The following ZFHX3 variants were observed in gnomAD, a reference collection of about 807,000 sequenced individuals.
The protein encoded by ZFHX3 is zinc finger homeobox 3.
Under a neutral mutation model 279.1 loss-of-function variants are expected in ZFHX3, and 42 were observed. The ratio of observed to expected loss-of-function variants is 0.15; its 90% CI spans 0.12 to 0.19. The LOEUF is 0.19. Ranked by LOEUF, ZFHX3 falls within the 10% of genes least tolerant of loss-of-function variation. The pLI is 1.00. For missense variants in ZFHX3, 4,981 were observed against 4,754.0 expected, an observed-to-expected ratio of 1.05 and a Z score of -1.40; for synonymous variants, 2,293 against 1,957.8, an observed-to-expected ratio of 1.17 and a Z score of -4.52.
intron 7 of ZFHX3, among the ~76,000 whole-genome samples, chr16:72,808,671 T>C (rs1244779360): frequency 6.6e-6 from 1 of 152,158 alleles, no homozygotes; most frequent in East Asian, 1.9e-4. Context: ...TGTGGAAAGA[T>C]GAGGAACATA....
chr16:73,288,972 A>T (rs1292015926), intron 4 of ZFHX3, among the ~76,000 whole-genome samples: 2 of 146,746 alleles, frequency 1.4e-5, no homozygotes, highest in Non-Finnish European at 1.5e-5. Flanking sequence ...TACCTTTTTT[A>T]TGATCTAGGA....
chr16:73,096,032 T>C (rs1966157940), intron 7 of ZFHX3, among the ~76,000 whole-genome samples: 1 of 152,082 alleles, frequency 6.6e-6, no homozygotes, highest in African/African-American at 2.4e-5. Context: ...GACGATGTGA[T>C]TGAGCCAAGG....
rs538883451 is a variant in ZFHX3 at position 73,025,236 on chromosome 16, G to A, written c.-50+22516C>T. ...TTCCCCTCCCCACAACGACCGCCCT[G>A]CACCGCCCTGCCCCAAGTCCTTCCC... is the stretch of plus-strand genomic sequence containing the variant. On this transcript the variant is annotated intron_variant, in intron 1 of 9. Transcript: ENST00000268489. Among the ~76,000 whole-genome samples the A allele has an allele frequency of 2.0e-5, 3 of 152,264 alleles. No individual in the cohort carries two copies. The East Asian group carries it at 5.8e-4, about 29-fold the overall frequency.
At chr16:73,755,063 G>C (rs1344262860) in intron 1 of ZFHX3, among the ~76,000 whole-genome samples, 2 of 152,158 alleles carry the variant, frequency 1.3e-5, no homozygotes, top group Admixed American at 1.3e-4. Context: ...CATAATTGAA[G>C]TTCAGGGAGT....
At chr16:73,711,597 A>G (rs1302842029) in intron 1 of ZFHX3, among the ~76,000 whole-genome samples, 2 of 152,168 alleles carry the variant, frequency 1.3e-5, no homozygotes, top group South Asian at 2.1e-4. Context: ...TATATGACTG[A>G]GGCAGACACC....
At chr16:72,961,742 G>C (rs915632088) in intron 1 of ZFHX3, among the ~76,000 whole-genome samples, 1 of 151,918 alleles carries the variant, frequency 6.6e-6, no homozygotes, top group African/African-American at 2.4e-5. Context: ...ATAACTTTTT[G>C]GAAGAATAAA....
chr16:73,069,791 A>C (rs1399426832), intron 8 of ZFHX3, among the ~76,000 whole-genome samples: 5 of 152,234 alleles, frequency 3.3e-5, no homozygotes, highest in African/African-American at 1.2e-4. Context: ...GCTTTGGCCA[A>C]ATTTCCACCC....
intron 4 of ZFHX3, among the ~76,000 whole-genome samples, chr16:72,864,502 C>T (rs1265175679): frequency 1.3e-5 from 2 of 152,162 alleles, no homozygotes; most frequent in Non-Finnish European, 2.9e-5. Context: ...TGAAAGTATT[C>T]CCGGGCCACC....
intron 1 of ZFHX3, among the ~76,000 whole-genome samples, chr16:73,696,431 G>A (rs972477345): frequency 6.6e-6 from 1 of 152,204 alleles, no homozygotes; most frequent in Non-Finnish European, 1.5e-5. Context: ...CTTTTGTGTA[G>A]ACTGTTGGGA....
At chr16:73,496,897 A>G (rs998408365) in intron 2 of ZFHX3, among the ~76,000 whole-genome samples, 5 of 152,060 alleles carry the variant, frequency 3.3e-5, no homozygotes, top group Admixed American at 1.3e-4. Context: ...CTTCTCCTCC[A>G]TGATCCCAGC....
rs189104918 is a variant in ZFHX3, at chr16:73,044,230, A to C, written c.-50+3522T>G. Among the ~76,000 whole-genome samples, 564 of 152,206 alleles carry C rather than the reference A, an allele frequency of 3.7e-3. 3 individuals carry two copies. Among genetic ancestry groups the C allele is most frequent in the Admixed American group, 6.7e-3 (103 of 15,292 alleles). On this transcript the variant is annotated intron_variant, in intron 1 of 9. Coordinates refer to ENST00000268489, the MANE Select transcript of ZFHX3 (RefSeq NM_006885.4). ...ATAACCATTACCACCAAATTCTCAT[A>C]CCAGAGCATTTGGATACCCCTATGA...
chr16:73,777,487 C>T lies in ZFHX3; in HGVS notation c.-1607-97247G>A, dbSNP rs557298308. On this transcript the variant is annotated intron_variant, in intron 1 of 17. Coordinates refer to the ZFHX3 transcript ENST00000641206. ...TCACGCCACTGCGCTCCAGCCTGGG[C>T]GACAGAGTGAGACTCTGTCTCAAAA... Among the ~76,000 whole-genome samples the T allele has an allele frequency of 1.0e-4, 11 of 107,508 alleles. No individual in the cohort carries two copies. In the East Asian group the frequency reaches 1.3e-3, roughly 12 times the overall value. The allele number at this position is 107,508 out of a possible 152,430, so 70.5% of individuals were successfully genotyped here.
At chr16:73,347,807 A>G (rs10500554) in intron 3 of ZFHX3, among the ~76,000 whole-genome samples, 29,293 of 152,240 alleles carry the variant, frequency 0.19, 3,056 homozygotes, top group Middle Eastern at 0.27. Flanking sequence ...AGATAGCTCA[A>G]AGAGGATTAA....
chr16:73,202,024 A>G (rs951411578), intron 5 of ZFHX3, among the ~76,000 whole-genome samples: 3 of 152,258 alleles, frequency 2.0e-5, no homozygotes, highest in African/African-American at 7.2e-5. Flanking sequence ...CACCAAGAAC[A>G]TAAATCAGTG....
At chr16:73,503,176 G>T (rs1038714171) in intron 2 of ZFHX3, among the ~76,000 whole-genome samples, 2 of 152,210 alleles carry the variant, frequency 1.3e-5, no homozygotes, top group African/African-American at 2.4e-5. Context: ...CATCTCCGAG[G>T]TGTTTGTAGC....
chr16:73,799,524 G>T (rs1366056549), intron 1 of ZFHX3, among the ~76,000 whole-genome samples: 1 of 152,122 alleles, frequency 6.6e-6, no homozygotes, highest in Non-Finnish European at 1.5e-5. Flanking sequence ...TGCACTCAGG[G>T]AGCTGGTACC....
Position 72,949,979 on chromosome 16 carries a change from A to G in ZFHX3, c.3216+490T>C, listed in dbSNP as rs187822443. 3.9e-3 allele frequency among the ~76,000 whole-genome samples: 544 copies of G among 139,620 alleles called. 2 individuals are homozygous for G. The highest frequency in any genetic ancestry group is 4.6e-3 in the Admixed American group (60 of 13,168). The allele number at this position is 139,620 out of a possible 152,430, so 91.6% of individuals were successfully genotyped here. A position where few individuals can be genotyped will look rare whatever the true frequency, so the allele number is the denominator to read the frequency against. ...ACAAATGCCCAGAACAGTACCTGTC[A>G]TTGAGAAGGTACCCAGTGTACATAT... is the stretch of plus-strand genomic sequence containing the variant. On this transcript the variant is annotated intron_variant, in intron 3 of 9. Coordinates refer to ENST00000268489, the MANE Select transcript of ZFHX3 (RefSeq NM_006885.4).
rs1160221573 is a variant in ZFHX3 at position 72,986,799 on chromosome 16, T to C, written c.-49-26605A>G. Reference sequence around the variant, plus strand: ...GATTAAGGATGGCAGCCCCAGGACTTCAGGGCTCTGCAAATATACCGAAGG... The same window carrying C: ...GATTAAGGATGGCAGCCCCAGGACTCCAGGGCTCTGCAAATATACCGAAGG... On this transcript the variant is annotated intron_variant, in intron 1 of 9. Transcript: ENST00000268489. Among the ~76,000 whole-genome samples, 7 of 152,102 alleles carry C rather than the reference T, an allele frequency of 4.6e-5. No individual in the cohort carries two copies. In the East Asian group the frequency reaches 1.3e-3, roughly 29 times the overall value.
At chr16:73,172,972 G>T (rs950572110) in intron 5 of ZFHX3, among the ~76,000 whole-genome samples, 33 of 44,060 alleles carry the variant, frequency 7.5e-4, no homozygotes, top group Non-Finnish European at 8.9e-4. Context: ...TCCCCCTGCT[G>T]TTTCCTGATG....
Sources: allele counts gnomAD v4.1 joint callset (sites outside exome capture counted in the v4.1 genomes callset), GRCh38; gene constraint gnomAD v4.1.1; transcripts MANE v1.5; gene names NCBI Gene and HGNC (gene_info 2026-07-23, HGNC 2026-07-21).